The following DSCAM variants were observed in gnomAD, a reference collection of about 807,000 sequenced individuals.
The protein encoded by DSCAM is cell adhesion molecule DSCAM.
Under a neutral mutation model 217.7 loss-of-function variants are expected in DSCAM, and 47 were observed. The ratio of observed to expected loss-of-function variants is 0.22; its 90% CI spans 0.17 to 0.28. The LOEUF is 0.28. Ranked by LOEUF, DSCAM falls within the 10% of genes least tolerant of loss-of-function variation. The pLI, the probability that DSCAM is intolerant of heterozygous loss-of-function variation, is 1.00. For missense variants in DSCAM, 2,080 were observed against 2,618.3 expected, an observed-to-expected ratio of 0.79 and a Z score of 4.49; for synonymous variants, 1,056 against 1,015.3, an observed-to-expected ratio of 1.04 and a Z score of -0.76.
At chr21:40,332,784 C>G (rs1353827943) in intron 8 of DSCAM, among the ~76,000 whole-genome samples, 2 of 152,050 alleles carry the variant, frequency 1.3e-5, no homozygotes, top group East Asian at 3.9e-4. Context: ...CAATAATAAG[C>G]ATATTATTTA....
At chr21:40,846,583 A>T in intron 1 of DSCAM, 36 bp downstream of exon 1, 1 of 510,826 alleles carries the variant, frequency 2.0e-6, no homozygotes, top group Non-Finnish European at 2.6e-6. Context: ...GGTCAATGAT[A>T]AGGAAACGAA....
At chr21:40,363,662 A>G (rs1392948570) in intron 4 of DSCAM, among the ~76,000 whole-genome samples, 3 of 152,196 alleles carry the variant, frequency 2.0e-5, no homozygotes. Flanking sequence ...TGCCAACAAA[A>G]GCCAAAATTG....
intron 3 of DSCAM, among the ~76,000 whole-genome samples, chr21:40,422,253 AGG>A (rs1044290111): frequency 2.2e-4 from 33 of 152,206 alleles, no homozygotes; most frequent in Non-Finnish European, 1.5e-4. Flanking sequence ...TTGGCCTTCG[AGG>A]GCATATACCC....
intron 3 of DSCAM, among the ~76,000 whole-genome samples, chr21:40,610,380 C>T (rs1601786566): frequency 6.6e-6 from 1 of 152,174 alleles, no homozygotes; most frequent in Non-Finnish European, 1.5e-5. Flanking sequence ...AGAAATAAGG[C>T]AAACCAAGGA....
intron 11 of DSCAM, among the ~76,000 whole-genome samples, chr21:40,191,351 G>A (rs922128177): frequency 3.9e-5 from 6 of 152,154 alleles, no homozygotes; most frequent in Admixed American, 1.3e-4. Context: ...GGTGACTCAA[G>A]AAAGAGGTGC....
chr21:40,175,763 T>G (rs2090717594), intron 15 of DSCAM, among the ~76,000 whole-genome samples: 1 of 122,670 alleles, frequency 8.2e-6, no homozygotes, highest in African/African-American at 3.2e-5. Context: ...CCAGCATATA[T>G]TTTCTCAACA....
intron 3 of DSCAM, among the ~76,000 whole-genome samples, chr21:40,377,910 G>A (rs937658399): frequency 6.6e-5 from 10 of 152,140 alleles, no homozygotes; most frequent in African/African-American, 2.2e-4. Context: ...GGGCAATATT[G>A]CCTTTTTGGG....
chr21:40,152,065 A>C (rs1376468482), intron 16 of DSCAM, among the ~76,000 whole-genome samples: 1 of 152,118 alleles, frequency 6.6e-6, no homozygotes, highest in African/African-American at 2.4e-5. Context: ...TCACCTGGTA[A>C]CCAGTCATCT....
At chr21:40,759,268 C>A (rs934858189) in intron 1 of DSCAM, among the ~76,000 whole-genome samples, 1 of 152,104 alleles carries the variant, frequency 6.6e-6, no homozygotes, top group African/African-American at 2.4e-5. Context: ...ATCCTGAGTG[C>A]CCATCTCACT....
At chr21:40,372,302 G>C (rs1304606626) in intron 3 of DSCAM, among the ~76,000 whole-genome samples, 1 of 152,158 alleles carries the variant, frequency 6.6e-6, no homozygotes, top group Non-Finnish European at 1.5e-5. Context: ...GTTAAAATAG[G>C]CAAATGTTTA....
intron 12 of DSCAM, 139 bp from the exon 13 acceptor site, chr21:40,188,126 A>G (rs1170026290): frequency 3.1e-5 from 19 of 606,578 alleles, no homozygotes; most frequent in Admixed American, 2.1e-4. Context: ...ACACACACAC[A>G]CTCACAAAAC....
At chr21:40,714,752 C>A (rs1406419330) in intron 1 of DSCAM, among the ~76,000 whole-genome samples, 3 of 152,124 alleles carry the variant, frequency 2.0e-5, no homozygotes, top group Non-Finnish European at 4.4e-5. Context: ...TTACTTAAGA[C>A]TTTTGGGGTA....
At position 40,805,778 on chromosome 21, in the gene DSCAM, G is replaced by T. The variant is rs568290512; in HGVS notation, c.43+40841C>A. Among the ~76,000 whole-genome samples the T allele has an allele frequency of 2.0e-3, 296 of 151,540 alleles. 4 individuals are homozygous for T. The South Asian group carries it at 0.023, about 12-fold the overall frequency. On this transcript the variant is annotated intron_variant, in intron 1 of 32. Coordinates refer to ENST00000400454, the MANE Select transcript of DSCAM (RefSeq NM_001389.5). ...GGCTGGAGTGCAGTGGCCCCATCTC[G>T]GCTCACTGCAAGCTCCACCTCCCGG... is the stretch of plus-strand genomic sequence containing the variant.
intron 3 of DSCAM, among the ~76,000 whole-genome samples, chr21:40,656,426 T>C (rs892275607): frequency 1.3e-5 from 2 of 151,966 alleles, no homozygotes; most frequent in South Asian, 2.1e-4. Flanking sequence ...GCTTCATTAA[T>C]AGCCACACTG....
At chr21:40,018,795 C>T (rs1388694348) in intron 32 of DSCAM, among the ~76,000 whole-genome samples, 1 of 152,238 alleles carries the variant, frequency 6.6e-6, no homozygotes, top group Non-Finnish European at 1.5e-5. Context: ...CTAATGGAAA[C>T]AGCTCAGTGT....
At chr21:40,387,015 G>C (rs545661653) in intron 3 of DSCAM, among the ~76,000 whole-genome samples, 1 of 152,038 alleles carries the variant, frequency 6.6e-6, no homozygotes, top group South Asian at 2.1e-4. Flanking sequence ...TGAATCAGCA[G>C]TGAGTTGTAG....
chr21:40,033,595 G>T (rs577964534), intron 32 of DSCAM, among the ~76,000 whole-genome samples: 5 of 151,798 alleles, frequency 3.3e-5, no homozygotes, highest in East Asian at 1.9e-4. Flanking sequence ...GTGAGGCTGG[G>T]GGAGGGGGGC....
chr21:40,440,346 AT>A (rs1238884037), intron 3 of DSCAM, among the ~76,000 whole-genome samples: 2 of 152,096 alleles, frequency 1.3e-5, no homozygotes, highest in Non-Finnish European at 2.9e-5. Context: ...GCTACCCCAT[AT>A]GGCAGGACCT....
At chr21:40,196,595 C>G (rs2091012323) in intron 11 of DSCAM, among the ~76,000 whole-genome samples, 1 of 146,818 alleles carries the variant, frequency 6.8e-6, no homozygotes, top group African/African-American at 2.6e-5. Context: ...TTCTTTATTT[C>G]TTTCCCTCTA....
Sources: allele counts gnomAD v4.1 joint callset (sites outside exome capture counted in the v4.1 genomes callset), GRCh38; gene constraint gnomAD v4.1.1; transcripts MANE v1.5; gene names NCBI Gene and HGNC (gene_info 2026-07-23, HGNC 2026-07-21).